The following NELL1 variants were observed in gnomAD, a reference collection of about 807,000 sequenced individuals.
NELL1 encodes neural EGFL like 1, also known as protein kinase C-binding protein NELL1.
In NELL1, 76 loss-of-function variants were observed where a neutral mutation model predicts 107.4. The observed-to-expected ratio is 0.71, with a 90% CI of 0.59 to 0.86. NELL1 has a LOEUF of 0.86. NELL1 is among the 40% of genes least tolerant of loss of function. The probability of loss-of-function intolerance (pLI) is 0.00; values close to 1 mark genes in which losing one functional copy is unlikely to be tolerated. For missense variants in NELL1, 1,024 were observed against 1,005.5 expected, an observed-to-expected ratio of 1.02 and a Z score of -0.25; for synonymous variants, 353 against 341.2, an observed-to-expected ratio of 1.03 and a Z score of -0.38.
intron 17 of NELL1, among the ~76,000 whole-genome samples, chr11:21,565,318 C>T (rs1856944925): frequency 6.6e-6 from 1 of 151,864 alleles, no homozygotes; most frequent in Non-Finnish European, 1.5e-5. Context: ...ACTCTTTCCC[C>T]TGTGGTAGTG....
At chr11:21,081,661 ATG>A (rs991316706) in intron 12 of NELL1, among the ~76,000 whole-genome samples, 2 of 152,130 alleles carry the variant, frequency 1.3e-5, no homozygotes, top group Non-Finnish European at 1.5e-5. Flanking sequence ...TCTCTGGAAA[ATG>A]TGTCTCAAAT....
At chr11:21,040,022 G>C (rs1214680210) in intron 12 of NELL1, among the ~76,000 whole-genome samples, 1 of 151,904 alleles carries the variant, frequency 6.6e-6, no homozygotes, top group African/African-American at 2.4e-5. Flanking sequence ...GGAAAATACA[G>C]ATAAAATATA....
At chr11:20,787,634 C>G (rs878960167) in intron 3 of NELL1, among the ~76,000 whole-genome samples, 1 of 152,240 alleles carries the variant, frequency 6.6e-6, no homozygotes, top group East Asian at 1.9e-4. Flanking sequence ...TTGTGATTCT[C>G]CCTTATGTGA....
At chr11:20,728,427 A>G (rs1855556927) in intron 2 of NELL1, among the ~76,000 whole-genome samples, 1 of 152,050 alleles carries the variant, frequency 6.6e-6, no homozygotes, top group Non-Finnish European at 1.5e-5. Flanking sequence ...TTCTTCCATG[A>G]TTCATATAGT....
At chr11:20,826,532 C>G (rs1171378058) in intron 3 of NELL1, among the ~76,000 whole-genome samples, 1 of 151,328 alleles carries the variant, frequency 6.6e-6, no homozygotes, top group African/African-American at 2.4e-5. Context: ...CAGGGGACAG[C>G]TGGCATTCTC....
At chr11:21,465,553 C>T (rs58927067) in intron 15 of NELL1, among the ~76,000 whole-genome samples, 3,797 of 152,118 alleles carry the variant, frequency 0.025, 165 homozygotes, top group African/African-American at 0.084. Context: ...GCATATCAAT[C>T]GTCACCTTAT....
intron 15 of NELL1, among the ~76,000 whole-genome samples, chr11:21,423,700 A>G (rs965551653): frequency 1.1e-4 from 17 of 152,242 alleles, no homozygotes; most frequent in African/African-American, 3.9e-4. Context: ...CAAATGAGAT[A>G]TTCTCTAGGA....
intron 13 of NELL1, among the ~76,000 whole-genome samples, chr11:21,157,602 A>G (rs1203559953): frequency 6.6e-6 from 1 of 152,184 alleles, no homozygotes; most frequent in Non-Finnish European, 1.5e-5. Context: ...TAAATTGATT[A>G]TATATGTTAG....
chr11:20,781,764 C>T (rs80303005), intron 2 of NELL1, among the ~76,000 whole-genome samples: 100 of 151,058 alleles, frequency 6.6e-4, no homozygotes, highest in African/African-American at 2.3e-3. Flanking sequence ...TGCAGTGGCT[C>T]ACACTTGTAA....
At chr11:21,163,520 A>G (rs772808533) in intron 13 of NELL1, among the ~76,000 whole-genome samples, 23 of 152,152 alleles carry the variant, frequency 1.5e-4, no homozygotes, top group Non-Finnish European at 2.5e-4. Context: ...CTAATCCCCA[A>G]TGTAACTATA....
At chr11:21,343,988 G>A (rs931043035) in intron 14 of NELL1, among the ~76,000 whole-genome samples, 2 of 152,114 alleles carry the variant, frequency 1.3e-5, no homozygotes, top group Non-Finnish European at 2.9e-5. Context: ...AGTATAATCA[G>A]GTTGCTGTTG....
At chr11:20,711,192 T>C (rs1855105138) in intron 2 of NELL1, among the ~76,000 whole-genome samples, 1 of 152,120 alleles carries the variant, frequency 6.6e-6, no homozygotes, top group Non-Finnish European at 1.5e-5. Flanking sequence ...AGAACCACTT[T>C]TGCTGTATCC....
At chr11:21,354,894 T>C (rs957663617) in intron 14 of NELL1, among the ~76,000 whole-genome samples, 6 of 152,176 alleles carry the variant, frequency 3.9e-5, no homozygotes, top group Non-Finnish European at 8.8e-5. Context: ...AATATAAGCG[T>C]TGGCTCTGAT....
intron 12 of NELL1, among the ~76,000 whole-genome samples, chr11:21,049,764 A>G (rs1853447126): frequency 6.6e-6 from 1 of 151,376 alleles, no homozygotes; most frequent in Admixed American, 6.6e-5. Flanking sequence ...TGCAACCTCC[A>G]TCTCCCAGGT....
intron 14 of NELL1, among the ~76,000 whole-genome samples, chr11:21,319,221 G>A (rs189801331): frequency 4.4e-4 from 67 of 151,508 alleles, no homozygotes; most frequent in Middle Eastern, 3.4e-3. Flanking sequence ...TGTCACCCAG[G>A]CTGGAGTGCA....
intron 13 of NELL1, among the ~76,000 whole-genome samples, chr11:21,152,667 G>C (rs67590546): frequency 0.092 from 13,994 of 152,170 alleles, 671 homozygotes; most frequent in African/African-American, 0.12. Context: ...ATTGACAATT[G>C]TAGAGATGGT....
chr11:21,394,529 A>G (rs903928326), intron 15 of NELL1, among the ~76,000 whole-genome samples: 4 of 151,440 alleles, frequency 2.6e-5, no homozygotes, highest in Non-Finnish European at 4.4e-5. Context: ...CATGTTTTAT[A>G]TGCAGCTCTT....
At chr11:20,939,254 T>C (rs1850796242) in intron 10 of NELL1, among the ~76,000 whole-genome samples, 1 of 151,746 alleles carries the variant, frequency 6.6e-6, no homozygotes, top group Admixed American at 6.6e-5. Context: ...GGAATACCAG[T>C]TTCTGTTTTC....
At chr11:21,553,971 CAAT>C (rs1271521717) in intron 16 of NELL1, among the ~76,000 whole-genome samples, 1 of 151,762 alleles carries the variant, frequency 6.6e-6, no homozygotes, top group African/African-American at 2.4e-5. Context: ...TAGACTGCAG[CAAT>C]AATACAAACC....
Sources: allele counts gnomAD v4.1 joint callset (sites outside exome capture counted in the v4.1 genomes callset), GRCh38; gene constraint gnomAD v4.1.1; transcripts MANE v1.5; gene names NCBI Gene and HGNC (gene_info 2026-07-23, HGNC 2026-07-21).